Variants in SAMD5 observed in about 807,000 individuals in gnomAD.
SAMD5 encodes sterile alpha motif domain-containing protein 5.
A neutral mutation model predicts 11.3 loss-of-function variants in SAMD5; 13 were observed. That is an observed-to-expected ratio of 1.15 (90% confidence interval 0.75 to 1.83). SAMD5 has a LOEUF of 1.83. Ranked by LOEUF, SAMD5 falls within the 40% of genes most tolerant of loss-of-function variation. SAMD5 has a pLI of 0.00. For missense variants in SAMD5, 255 were observed against 239.1 expected (o/e 1.07, Z -0.44); for synonymous variants, 129 against 111.3 (o/e 1.16, Z -1.00).
chr6:147,833,102 T>C, the SAMD5 span, among the ~76,000 whole-genome samples: 1 of 152,210 alleles, frequency 6.6e-6, no homozygotes, highest in Non-Finnish European at 1.5e-5. Flanking sequence ...TGACAATTCA[T>C]CCCAAGCAGG....
chr6:147,849,439 G>A, the SAMD5 span, among the ~76,000 whole-genome samples: 5 of 151,750 alleles, frequency 3.3e-5, no homozygotes, highest in East Asian at 5.8e-4. Context: ...AAAGAAATAC[G>A]TACTTTTTTT....
chr6:147,863,211 C>G, the SAMD5 span, among the ~76,000 whole-genome samples: 1 of 152,142 alleles, frequency 6.6e-6, no homozygotes, highest in Non-Finnish European at 1.5e-5. Flanking sequence ...GACTGGGCAT[C>G]TTTACAGTTT....
chr6:147,646,014 GTATCTATCTATGTATCTATCTATCTATC>G (rs199638114), intron 1 of SAMD5, among the ~76,000 whole-genome samples: 5,036 of 55,496 alleles, frequency 0.091, 102 homozygotes, highest in East Asian at 0.28. Flanking sequence ...GTCTGTCTAT[GTATCTATCTATGTATCTATCTATCTATC>G]TATCTATCTA....
intron 1 of SAMD5, among the ~76,000 whole-genome samples, chr6:147,645,976 A>G (rs1790390246): frequency 6.6e-6 from 1 of 152,034 alleles, no homozygotes; most frequent in African/African-American, 2.4e-5. Flanking sequence ...GTCAACTGTT[A>G]TCTTTGTCTC....
the SAMD5 span, among the ~76,000 whole-genome samples, chr6:147,856,563 G>A: frequency 6.8e-4 from 104 of 152,230 alleles, no homozygotes; most frequent in African/African-American, 2.4e-3. Flanking sequence ...TAGAGTAGAA[G>A]AGTGACCTTA....
downstream of SAMD5, among the ~76,000 whole-genome samples, chr6:147,571,531 C>T (rs373739276): frequency 4.0e-5 from 6 of 150,650 alleles, no homozygotes; most frequent in Non-Finnish European, 7.4e-5. Context: ...AGAGTACATT[C>T]GTGTAATTAT....
At chr6:147,801,241 C>A in the SAMD5 span, among the ~76,000 whole-genome samples, 1 of 152,066 alleles carries the variant, frequency 6.6e-6, no homozygotes, top group Non-Finnish European at 1.5e-5. Flanking sequence ...TTATGGAATC[C>A]TAATTTTATT....
the SAMD5 span, among the ~76,000 whole-genome samples, chr6:147,877,116 C>A: frequency 1.3e-3 from 192 of 152,102 alleles, no homozygotes; most frequent in African/African-American, 4.4e-3. Context: ...ATTAATAGAT[C>A]TTACTTTATA....
At chr6:147,662,882 T>C (rs1790666802) in intron 1 of SAMD5, among the ~76,000 whole-genome samples, 1 of 152,198 alleles carries the variant, frequency 6.6e-6, no homozygotes, top group African/African-American at 2.4e-5. Context: ...AAAAAACAAG[T>C]GCAAATAAAG....
chr6:147,886,770 T>C, the SAMD5 span, among the ~76,000 whole-genome samples: 1 of 152,084 alleles, frequency 6.6e-6, no homozygotes, highest in Non-Finnish European at 1.5e-5. Context: ...TACTGGTAAT[T>C]GGAAAGGGTC....
At chr6:147,946,769 C>G in the SAMD5 span, among the ~76,000 whole-genome samples, 2 of 152,132 alleles carry the variant, frequency 1.3e-5, no homozygotes, top group South Asian at 4.1e-4. Context: ...TAATTAGCAA[C>G]TGAAATTAGA....
chr6:147,588,996 C>T (rs1047514083), intron 1 of SAMD5, among the ~76,000 whole-genome samples: 5 of 151,948 alleles, frequency 3.3e-5, no homozygotes, highest in African/African-American at 7.3e-5. Flanking sequence ...CTCGCTCTGT[C>T]GCCGAGGCTG....
At chr6:147,921,611 T>A in the SAMD5 span, among the ~76,000 whole-genome samples, 1 of 152,160 alleles carries the variant, frequency 6.6e-6, no homozygotes, top group Non-Finnish European at 1.5e-5. Context: ...GACCACACAA[T>A]AATTGTGTGT....
intron 1 of SAMD5, among the ~76,000 whole-genome samples, chr6:147,609,293 C>T (rs1258195962): frequency 6.6e-6 from 1 of 152,162 alleles, no homozygotes; most frequent in Non-Finnish European, 1.5e-5. Context: ...ACTTTGTGAA[C>T]ATGAAGATGG....
chr6:147,727,013 A>G (rs979245283), intron 1 of SAMD5, among the ~76,000 whole-genome samples: 3 of 152,200 alleles, frequency 2.0e-5, no homozygotes, highest in Non-Finnish European at 2.9e-5. Context: ...TAGCATTTCT[A>G]AAATTCAGAA....
chr6:147,805,628 G>T, the SAMD5 span, among the ~76,000 whole-genome samples: 2 of 152,182 alleles, frequency 1.3e-5, no homozygotes, highest in African/African-American at 2.4e-5. Flanking sequence ...GTTAGATCCT[G>T]AAGACTCAAT....
At chr6:147,639,274 T>C (rs1213146077) in intron 1 of SAMD5, among the ~76,000 whole-genome samples, 1 of 152,216 alleles carries the variant, frequency 6.6e-6, no homozygotes, top group Non-Finnish European at 1.5e-5. Context: ...GAACAATTAA[T>C]GAAGTAGATA....
At chr6:147,917,385 C>A in the SAMD5 span, among the ~76,000 whole-genome samples, 1 of 150,396 alleles carries the variant, frequency 6.6e-6, no homozygotes, top group Non-Finnish European at 1.5e-5. Flanking sequence ...ATGTCCTTCG[C>A]CCACTTTTTG....
the SAMD5 span, among the ~76,000 whole-genome samples, chr6:147,885,736 A>G: frequency 6.6e-6 from 1 of 152,234 alleles, no homozygotes; most frequent in African/African-American, 2.4e-5. Flanking sequence ...GGGGTACTCC[A>G]AGCTCATGAA....
Sources: gnomAD v4.1 joint callset for allele counts (sites outside exome capture counted in the v4.1 genomes callset) on GRCh38, gnomAD v4.1.1 for gene constraint, MANE v1.5 for transcripts, NCBI Gene and HGNC (gene_info 2026-07-23, HGNC 2026-07-21) for gene names.